Variants in PACRG observed in about 807,000 individuals in gnomAD.
PACRG encodes parkin coregulated gene protein.
PACRG carries 29 observed loss-of-function variants against 29.7 expected under a neutral mutation model. That is an observed-to-expected ratio of 0.98 (90% CI 0.73 to 1.33). The LOEUF (loss-of-function observed/expected upper bound fraction) is 1.33. Among genes scored for constraint, PACRG ranks in the 40% most tolerant of loss-of-function variants. The pLI is 0.00. For missense variants in PACRG, 279 were observed against 316.2 expected (o/e 0.88, Z 0.89); for synonymous variants, 116 against 118.7 (o/e 0.98, Z 0.15).
At chr6:162,885,372 C>T (rs1053807950) in intron 2 of PACRG, among the ~76,000 whole-genome samples, 13 of 151,782 alleles carry the variant, frequency 8.6e-5, no homozygotes, top group South Asian at 2.1e-4. Flanking sequence ...TGGGTTCAAG[C>T]GATTCTCCTG....
At chr6:163,286,345 C>T (rs1336061552) in intron 4 of PACRG, among the ~76,000 whole-genome samples, 1 of 152,122 alleles carries the variant, frequency 6.6e-6, no homozygotes. Context: ...TAAAGTGGGA[C>T]ATTTATGTTT....
chr6:162,739,305 T>A (rs1780393636), intron 1 of PACRG, among the ~76,000 whole-genome samples: 1 of 152,214 alleles, frequency 6.6e-6, no homozygotes, highest in South Asian at 2.1e-4. Flanking sequence ...TCCTCTTTAG[T>A]GTGCATATTC....
intron 2 of PACRG, among the ~76,000 whole-genome samples, chr6:163,052,506 G>T (rs930729250): frequency 2.6e-5 from 4 of 152,096 alleles, no homozygotes; most frequent in Admixed American, 6.6e-5. Flanking sequence ...ATCTCGAATT[G>T]TAAACTCCAC....
intron 2 of PACRG, among the ~76,000 whole-genome samples, chr6:162,924,689 C>T (rs1374359925): frequency 6.6e-6 from 1 of 151,924 alleles, no homozygotes; most frequent in African/African-American, 2.4e-5. Flanking sequence ...TAATATATCA[C>T]ATTTATTGAC....
intron 2 of PACRG, among the ~76,000 whole-genome samples, chr6:162,877,560 T>C (rs570974074): frequency 1.3e-5 from 2 of 150,652 alleles, no homozygotes; most frequent in East Asian, 3.9e-4. Flanking sequence ...GTTCTGCACA[T>C]GTATCCCAGA....
chr6:163,097,193 T>A (rs556589324), intron 4 of PACRG, among the ~76,000 whole-genome samples: 1 of 152,188 alleles, frequency 6.6e-6, no homozygotes, highest in African/African-American at 2.4e-5. Flanking sequence ...ATATTTGTGG[T>A]TTCTCTGTAT....
At chr6:162,832,862 AC>A (rs1484212576) in intron 2 of PACRG, among the ~76,000 whole-genome samples, 4 of 151,890 alleles carry the variant, frequency 2.6e-5, no homozygotes, top group Non-Finnish European at 5.9e-5. Flanking sequence ...TTCCAAATAA[AC>A]TATTATATTT....
At chr6:163,023,232 C>T (rs1806809014) in intron 2 of PACRG, among the ~76,000 whole-genome samples, 1 of 152,164 alleles carries the variant, frequency 6.6e-6, no homozygotes, top group Non-Finnish European at 1.5e-5. Context: ...CCCCTCCTTC[C>T]ACCCTCCAGT....
intron 2 of PACRG, among the ~76,000 whole-genome samples, chr6:163,060,120 CA>C (rs1195649773): frequency 6.6e-6 from 1 of 151,588 alleles, no homozygotes; most frequent in Non-Finnish European, 1.5e-5. Flanking sequence ...AACCGAAGAC[CA>C]AAAAATAAGA....
chr6:163,247,321 A>G (rs1377191384), intron 4 of PACRG, among the ~76,000 whole-genome samples: 1 of 152,192 alleles, frequency 6.6e-6, no homozygotes, highest in Non-Finnish European at 1.5e-5. Flanking sequence ...GCCCTGGAGG[A>G]GCGCTCCTTA....
At chr6:162,862,597 T>C (rs1051742549) in intron 2 of PACRG, among the ~76,000 whole-genome samples, 6 of 152,160 alleles carry the variant, frequency 3.9e-5, no homozygotes, top group African/African-American at 1.4e-4. Context: ...ATCCACATAT[T>C]CCAGACTCAG....
chr6:163,242,080 T>A (rs1326648203), intron 4 of PACRG, among the ~76,000 whole-genome samples: 3 of 152,244 alleles, frequency 2.0e-5, no homozygotes, highest in Non-Finnish European at 2.9e-5. Flanking sequence ...AAGATTTTTT[T>A]AAACTTATTG....
intron 2 of PACRG, among the ~76,000 whole-genome samples, chr6:163,031,577 A>G (rs531358164): frequency 2.6e-5 from 4 of 152,360 alleles, no homozygotes; most frequent in South Asian, 4.1e-4. Flanking sequence ...ACAAATCAGC[A>G]AGACAAATTT....
chr6:163,044,640 G>A (rs748869509), intron 2 of PACRG: 9 of 152,252 alleles, frequency 5.9e-5, no homozygotes, highest in Non-Finnish European at 1.2e-4. Flanking sequence ...ACTTATCATC[G>A]TCACTTACAA....
intron 2 of PACRG, among the ~76,000 whole-genome samples, chr6:162,865,830 A>G (rs1380894564): frequency 6.6e-6 from 1 of 152,022 alleles, no homozygotes; most frequent in Non-Finnish European, 1.5e-5. Flanking sequence ...GCTTGAAATC[A>G]TTGGAAAACA....
intron 4 of PACRG, among the ~76,000 whole-genome samples, chr6:163,203,111 G>A (rs773457267): frequency 6.6e-6 from 1 of 152,058 alleles, no homozygotes; most frequent in Non-Finnish European, 1.5e-5. Flanking sequence ...CAAAAGCACT[G>A]TAGATGGGAC....
intron 4 of PACRG, among the ~76,000 whole-genome samples, chr6:163,164,869 C>T (rs1405278736): frequency 6.6e-6 from 1 of 152,164 alleles, no homozygotes; most frequent in East Asian, 1.9e-4. Context: ...ACTTTATTTC[C>T]TGGCAGAGCT....
intron 1 of PACRG, among the ~76,000 whole-genome samples, chr6:162,810,360 A>G (rs992224231): frequency 6.6e-6 from 1 of 152,196 alleles, no homozygotes; most frequent in African/African-American, 2.4e-5. Flanking sequence ...TTAAGATCTC[A>G]TAATATAATG....
chr6:163,088,231 G>T (rs371412137), intron 3 of PACRG, among the ~76,000 whole-genome samples: 1 of 152,170 alleles, frequency 6.6e-6, no homozygotes, highest in East Asian at 1.9e-4. Context: ...TCCCTTCACA[G>T]TGGCATCTGC....
Sources: gnomAD v4.1 joint callset for allele counts (sites outside exome capture counted in the v4.1 genomes callset) on GRCh38, gnomAD v4.1.1 for gene constraint, MANE v1.5 for transcripts, NCBI Gene and HGNC (gene_info 2026-07-23, HGNC 2026-07-21) for gene names.